The following PTPRT variants were observed in gnomAD, a reference collection of about 807,000 sequenced individuals.
PTPRT encodes receptor-type tyrosine-protein phosphatase T.
A neutral mutation model predicts 176.8 loss-of-function variants in PTPRT; 56 were observed. That is an observed-to-expected ratio of 0.32 (90% CI 0.26 to 0.40). The LOEUF is 0.40. Ranked by LOEUF, PTPRT falls within the 10% of genes least tolerant of loss-of-function variation. PTPRT has a pLI of 1.00. For synonymous variants in PTPRT, 783 were observed against 739.0 expected (o/e 1.06, Z -0.96); for missense variants, 1,540 against 1,908.2 (o/e 0.81, Z 3.60).
At chr20:42,300,387 T>A (rs1248936380) in intron 12 of PTPRT, among the ~76,000 whole-genome samples, 1 of 152,060 alleles carries the variant, frequency 6.6e-6, no homozygotes, top group Non-Finnish European at 1.5e-5. Flanking sequence ...AGGTCTGAGT[T>A]TCTATAATAA....
chr20:42,591,229 A>C (rs1257809514), intron 7 of PTPRT, among the ~76,000 whole-genome samples: 1 of 152,230 alleles, frequency 6.6e-6, no homozygotes, highest in African/African-American at 2.4e-5. Context: ...TGACTACATG[A>C]TAAAAAAAAA....
chr20:42,410,975 C>T (rs773566582), intron 9 of PTPRT, among the ~76,000 whole-genome samples: 7 of 151,858 alleles, frequency 4.6e-5, no homozygotes, highest in Non-Finnish European at 8.8e-5. Context: ...TATTAGAAAA[C>T]AGAAAAGTTC....
At chr20:43,050,758 T>C (rs1296439522) in intron 1 of PTPRT, among the ~76,000 whole-genome samples, 1 of 152,206 alleles carries the variant, frequency 6.6e-6, no homozygotes, top group African/African-American at 2.4e-5. Flanking sequence ...CCTTTCCTGA[T>C]AACAGAACCT....
the PTPRT span, among the ~76,000 whole-genome samples, chr20:42,034,133 T>C: frequency 1.6e-4 from 25 of 152,160 alleles, no homozygotes; most frequent in Non-Finnish European, 1.2e-4. Flanking sequence ...GGGTCTTTGC[T>C]TCAGGGCCTC....
chr20:43,028,208 G>T (rs907430725), intron 1 of PTPRT, among the ~76,000 whole-genome samples: 5 of 152,044 alleles, frequency 3.3e-5, no homozygotes, highest in Non-Finnish European at 5.9e-5. Flanking sequence ...ACTCAGTTAC[G>T]AGCTGCTCTC....
intron 2 of PTPRT, among the ~76,000 whole-genome samples, chr20:42,817,437 A>G (rs1324579158): frequency 6.6e-6 from 1 of 150,842 alleles, no homozygotes; most frequent in East Asian, 1.9e-4. Flanking sequence ...AATCTCACCT[A>G]TCAATGTGTA....
At chr20:42,599,327 A>T (rs2145784151) in intron 7 of PTPRT, among the ~76,000 whole-genome samples, 1 of 152,282 alleles carries the variant, frequency 6.6e-6, no homozygotes, top group Middle Eastern at 3.4e-3. Flanking sequence ...AGGTGCCACA[A>T]GGAGCTCCTT....
chr20:42,367,112 G>A lies in PTPRT; in HGVS notation c.1561-14827C>T, dbSNP rs573299743. On this transcript the variant is annotated intron_variant, in intron 9 of 30. Transcript: ENST00000373187. ...AAGGAAATACTTTGGGATTATAAAA[G>A]ACAGTGTGAACCTGATTAACAATGT... Among the ~76,000 whole-genome samples, 14 of 152,338 alleles carry A rather than the reference G, an allele frequency of 9.2e-5. No homozygotes were observed. The South Asian group carries it at 2.9e-3, about 32-fold the overall frequency.
intron 1 of PTPRT, among the ~76,000 whole-genome samples, chr20:43,165,371 C>G (rs2014829906): frequency 6.6e-6 from 1 of 152,142 alleles, no homozygotes; most frequent in Non-Finnish European, 1.5e-5. Flanking sequence ...CCATGTTGGT[C>G]AGGCTGGTCT....
intron 1 of PTPRT, among the ~76,000 whole-genome samples, chr20:43,008,716 C>G (rs190402618): frequency 1.3e-5 from 2 of 152,048 alleles, no homozygotes; most frequent in Non-Finnish European, 2.9e-5. Flanking sequence ...AAAAGAACTA[C>G]GAGAAATAAA....
chr20:42,104,442 C>T (rs2076247), intron 25 of PTPRT, 127 bp downstream of exon 25: 689,078 of 1,101,338 alleles, frequency 0.63, 217,857 homozygotes, highest in African/African-American at 0.82. Context: ...AAGCTTGATG[C>T]TGGGCTTCTC....
At chr20:42,241,355 C>T (rs1265695151) in intron 14 of PTPRT, among the ~76,000 whole-genome samples, 1 of 151,978 alleles carries the variant, frequency 6.6e-6, no homozygotes, top group Non-Finnish European at 1.5e-5. Context: ...GTGGTTTGGG[C>T]AGGTGGGTTA....
At chr20:42,351,888 T>G (rs1441429642) in intron 10 of PTPRT, among the ~76,000 whole-genome samples, 196 bp downstream of exon 10, 1 of 152,250 alleles carries the variant, frequency 6.6e-6, no homozygotes, top group Non-Finnish European at 1.5e-5. Context: ...CTAATTAATC[T>G]AATTTTTACA....
At chr20:43,088,785 G>A (rs1409578584) in intron 1 of PTPRT, among the ~76,000 whole-genome samples, 2 of 152,046 alleles carry the variant, frequency 1.3e-5, no homozygotes, top group African/African-American at 4.8e-5. Context: ...CTGGAAAAAT[G>A]CTCACCTCTG....
At chr20:43,185,280 T>C (rs905697778) in intron 1 of PTPRT, among the ~76,000 whole-genome samples, 2 of 152,252 alleles carry the variant, frequency 1.3e-5, no homozygotes, top group African/African-American at 2.4e-5. Flanking sequence ...TGTTTTCTTA[T>C]TCTTTGCTTG....
intron 16 of PTPRT, 113 bp from the exon 17 acceptor site, chr20:42,161,655 A>C (rs1989607547): frequency 1.0e-6 from 1 of 991,304 alleles, no homozygotes; most frequent in Admixed American, 2.8e-5. Flanking sequence ...CTTGGGACTC[A>C]ACTGATAGGG....
intron 12 of PTPRT, among the ~76,000 whole-genome samples, chr20:42,287,536 C>G (rs1477203666): frequency 6.6e-6 from 1 of 151,528 alleles, no homozygotes; most frequent in East Asian, 1.9e-4. Context: ...AAGTTGATCT[C>G]ATAGAGGTAA....
intron 27 of PTPRT, among the ~76,000 whole-genome samples, chr20:42,096,775 T>C (rs1334306952): frequency 2.8e-5 from 4 of 141,260 alleles, no homozygotes; most frequent in Admixed American, 7.1e-5. Context: ...TTTTTTTTTT[T>C]TTTTTGTAGA....
At chr20:42,448,170 T>G in intron 9 of PTPRT, 50 bp downstream of exon 9, 2 of 1,390,624 alleles carry the variant, frequency 1.4e-6, no homozygotes, top group Non-Finnish European at 2.0e-6. Flanking sequence ...CAGGCTGAAG[T>G]GACTTGAATA....
Sources: gnomAD v4.1 joint callset for allele counts (sites outside exome capture counted in the v4.1 genomes callset) on GRCh38, gnomAD v4.1.1 for gene constraint, MANE v1.5 for transcripts, NCBI Gene and HGNC (gene_info 2026-07-23, HGNC 2026-07-21) for gene names.